Variants in AGBL1 observed in about 807,000 individuals in gnomAD.
The protein encoded by AGBL1 is cytosolic carboxypeptidase 4.
AGBL1 carries 130 observed loss-of-function variants against 118.9 expected under a neutral mutation model. The ratio of observed to expected loss-of-function variants is 1.09; its 90% CI spans 0.95 to 1.26. The LOEUF is 1.26. Among genes scored for constraint, AGBL1 ranks in the 50% most tolerant of loss-of-function variants. The pLI is 0.00. For missense variants in AGBL1, 1,584 were observed against 1,298.1 expected (o/e 1.22, Z -3.38); for synonymous variants, 555 against 478.9 (o/e 1.16, Z -2.08).
chr15:86,215,129 C>T (rs1371049638), intron 5 of AGBL1, among the ~76,000 whole-genome samples: 3 of 151,952 alleles, frequency 2.0e-5, no homozygotes, highest in Non-Finnish European at 2.9e-5. Context: ...TCTGTTTTCT[C>T]CTCTCTCCCT....
intron 21 of AGBL1, among the ~76,000 whole-genome samples, chr15:86,596,950 A>G (rs2084416962): frequency 6.6e-6 from 1 of 152,172 alleles, no homozygotes; most frequent in African/African-American, 2.4e-5. Flanking sequence ...TTGGCTCACT[A>G]GTATTGTGTA....
At chr15:86,589,318 G>T (rs1469026223) in intron 21 of AGBL1, among the ~76,000 whole-genome samples, 1 of 152,104 alleles carries the variant, frequency 6.6e-6, no homozygotes, top group African/African-American at 2.4e-5. Context: ...GCAAGAGAGG[G>T]CTGACCACCC....
intron 18 of AGBL1, among the ~76,000 whole-genome samples, chr15:86,449,464 G>T (rs901558397): frequency 6.6e-6 from 1 of 152,198 alleles, no homozygotes; most frequent in African/African-American, 2.4e-5. Flanking sequence ...GTGGTTGAAC[G>T]TCTATGCTAT....
intron 23 of AGBL1, among the ~76,000 whole-genome samples, chr15:86,947,092 CT>C (rs1253611962): frequency 6.6e-6 from 1 of 152,146 alleles, no homozygotes; most frequent in African/African-American, 2.4e-5. Flanking sequence ...CGAAGATCAT[CT>C]CTGCTGCTTC....
chr15:86,135,525 G>C (rs2076877707), intron 1 of AGBL1, among the ~76,000 whole-genome samples: 2 of 152,174 alleles, frequency 1.3e-5, no homozygotes, highest in South Asian at 4.1e-4. Context: ...TTCTCACTGA[G>C]ATGGACTTTA....
At chr15:86,286,735 G>GTGTATATATATATATATATATATA in intron 16 of AGBL1, among the ~76,000 whole-genome samples, 1,366 of 106,234 alleles carry the variant, frequency 0.013, 142 homozygotes, top group African/African-American at 0.046. Flanking sequence ...GTTTGTGTGT[G>GTGTATATATATATATATATATATA]TATATATATA....
chr15:86,110,081 C>T (rs1461782761), intron 1 of AGBL1, among the ~76,000 whole-genome samples: 9 of 152,240 alleles, frequency 5.9e-5, no homozygotes, highest in Non-Finnish European at 1.3e-4. Context: ...GGGACCCCGT[C>T]AGGTATTGAA....
At chr15:86,255,533 G>T (rs1176286625) in intron 7 of AGBL1, among the ~76,000 whole-genome samples, 2 of 152,174 alleles carry the variant, frequency 1.3e-5, no homozygotes, top group African/African-American at 4.8e-5. Flanking sequence ...TGTAATCCCA[G>T]TACTTTGGGA....
Position 86,261,772 on chromosome 15 carries a change from G to T in AGBL1, c.970-1006G>T, listed in dbSNP as rs553320194. Among the ~76,000 whole-genome samples the T allele has an allele frequency of 3.2e-4, 48 of 152,100 alleles. No homozygotes were observed. The South Asian group carries it at 8.7e-3, about 28-fold the overall frequency. Reference sequence around the variant, plus strand: ...GGAGAGTCACCATCATCATTAAAAGGTTTCGAAATGGTGATCTATCAAGAA... The same window carrying T: ...GGAGAGTCACCATCATCATTAAAAGTTTTCGAAATGGTGATCTATCAAGAA... On this transcript the variant is annotated intron_variant, in intron 9 of 22. Coordinates refer to ENST00000614907, the MANE Select transcript of AGBL1 (RefSeq NM_001386094.1).
At chr15:86,656,337 G>A (rs888409319) in intron 21 of AGBL1, among the ~76,000 whole-genome samples, 2 of 152,156 alleles carry the variant, frequency 1.3e-5, no homozygotes, top group Non-Finnish European at 2.9e-5. Flanking sequence ...GAAAGAGCAC[G>A]CTGACAAAAT....
chr15:86,525,894 T>C (rs2083256094), intron 19 of AGBL1, among the ~76,000 whole-genome samples: 1 of 152,164 alleles, frequency 6.6e-6, no homozygotes, highest in Non-Finnish European at 1.5e-5. Context: ...AAGTACCTTT[T>C]GCATGGCAAA....
chr15:86,244,058 AATAAG>A (rs1343915936), intron 6 of AGBL1, among the ~76,000 whole-genome samples: 5,187 of 82,596 alleles, frequency 0.063, 298 homozygotes, highest in African/African-American at 0.2. Context: ...TAGATAGATA[AATAAG>A]TAAATAAATA....
chr15:86,098,289 C>T (rs762805245), intron 1 of AGBL1, among the ~76,000 whole-genome samples: 1 of 152,064 alleles, frequency 6.6e-6, no homozygotes, highest in Non-Finnish European at 1.5e-5. Context: ...ATTGTTTCCT[C>T]TTCTGCACAG....
intron 18 of AGBL1, among the ~76,000 whole-genome samples, chr15:86,487,151 C>T (rs991856014): frequency 7.2e-5 from 11 of 152,022 alleles, no homozygotes; most frequent in African/African-American, 1.9e-4. Context: ...GAACTGTCAC[C>T]GGAGAGCATT....
chr15:86,760,482 G>A (rs537133091), intron 22 of AGBL1, among the ~76,000 whole-genome samples: 4 of 152,162 alleles, frequency 2.6e-5, no homozygotes, highest in Non-Finnish European at 5.9e-5. Context: ...AACCACAGAA[G>A]GGGTGAGGGA....
chr15:86,600,023 GTA>G (rs1028790333), intron 21 of AGBL1, among the ~76,000 whole-genome samples: 6 of 152,016 alleles, frequency 3.9e-5, no homozygotes, highest in African/African-American at 1.4e-4. Flanking sequence ...CAAAATTATG[GTA>G]CACTTGATTT....
At chr15:86,707,530 C>T (rs1034784364) in intron 22 of AGBL1, among the ~76,000 whole-genome samples, 3 of 152,086 alleles carry the variant, frequency 2.0e-5, no homozygotes, top group Non-Finnish European at 2.9e-5. Flanking sequence ...AAAGATACTA[C>T]ATTGTAGAAA....
At chr15:86,791,297 C>T (rs1272318897) in intron 22 of AGBL1, among the ~76,000 whole-genome samples, 1 of 152,142 alleles carries the variant, frequency 6.6e-6, no homozygotes, top group Non-Finnish European at 1.5e-5. Flanking sequence ...ATATATGAAT[C>T]TCAGTACTTC....
At chr15:86,564,086 T>C (rs2083874258) in intron 21 of AGBL1, among the ~76,000 whole-genome samples, 1 of 152,188 alleles carries the variant, frequency 6.6e-6, no homozygotes, top group Non-Finnish European at 1.5e-5. Context: ...CTTTATCCAA[T>C]TTGCCAGTCT....
Sources: allele counts gnomAD v4.1 joint callset (sites outside exome capture counted in the v4.1 genomes callset), GRCh38; gene constraint gnomAD v4.1.1; transcripts MANE v1.5; gene names NCBI Gene and HGNC (gene_info 2026-07-23, HGNC 2026-07-21).